MYO1H: variants seen among roughly 807,000 people sequenced by gnomAD.
MYO1H encodes myosin IH.
A neutral mutation model predicts 149.3 loss-of-function variants in MYO1H; 118 were observed. The observed-to-expected ratio is 0.79, with a 90% CI of 0.68 to 0.92. The LOEUF (loss-of-function observed/expected upper bound fraction) is 0.92. Ranked by LOEUF, MYO1H falls within the 40% of genes least tolerant of loss-of-function variation. The probability of loss-of-function intolerance (pLI) is 0.00; values close to 1 mark genes in which losing one functional copy is unlikely to be tolerated. For missense variants in MYO1H, 1,212 were observed against 1,280.7 expected, an observed-to-expected ratio of 0.95 and a Z score of 0.82; for synonymous variants, 447 against 465.2, an observed-to-expected ratio of 0.96 and a Z score of 0.50.
chr12:109,318,115 C>T, the MYO1H span, among the ~76,000 whole-genome samples: 500 of 152,120 alleles, frequency 3.3e-3, 2 homozygotes, highest in African/African-American at 0.011. Context: ...AAGGAGTGGT[C>T]AAAGCTGAAC....
the MYO1H span, among the ~76,000 whole-genome samples, chr12:109,341,510 C>T: frequency 2.0e-5 from 3 of 152,156 alleles, no homozygotes; most frequent in Non-Finnish European, 4.4e-5. Flanking sequence ...GAGTCAGCCA[C>T]CATCACATGC....
At chr12:109,367,318 TC>T (rs1293108107) in intron 1 of MYO1H, among the ~76,000 whole-genome samples, 2 of 152,108 alleles carry the variant, frequency 1.3e-5, no homozygotes, top group Non-Finnish European at 2.9e-5. Context: ...AGTAGGTGGA[TC>T]ATAGAAAAAG....
intron 1 of MYO1H, among the ~76,000 whole-genome samples, chr12:109,383,459 C>T (rs1869246065): frequency 6.6e-6 from 1 of 152,178 alleles, no homozygotes; most frequent in African/African-American, 2.4e-5. Context: ...CCCCAAAACT[C>T]AGAAGTTTCC....
chr12:109,329,410 G>A, the MYO1H span, among the ~76,000 whole-genome samples: 1 of 152,136 alleles, frequency 6.6e-6, no homozygotes, highest in African/African-American at 2.4e-5. Context: ...CTTAGGTAGG[G>A]TTGCTTTCTC....
At chr12:109,326,129 G>A in the MYO1H span, among the ~76,000 whole-genome samples, 1 of 152,258 alleles carries the variant, frequency 6.6e-6, no homozygotes, top group South Asian at 2.1e-4. Context: ...CTTACCTGAA[G>A]AGGTGAATCA....
intron 10 of MYO1H, among the ~76,000 whole-genome samples, chr12:109,409,215 CCTTCTTCTTTTT>C (rs1302655281): frequency 1.3e-4 from 17 of 127,106 alleles, no homozygotes; most frequent in South Asian, 4.9e-4. Flanking sequence ...TTCTTCTTCT[CCTTCTTCTTTTT>C]CTTCTTCTTC....
At position 109,445,629 on chromosome 12, in the gene MYO1H, G is replaced by A. The variant is rs527649591; in HGVS notation, c.3093+17G>A. 1 of 1,604,440 alleles carries A rather than the reference G, an allele frequency of 6.2e-7. No individual in the cohort carries two copies. The highest frequency in any genetic ancestry group is 1.7e-5 in the Admixed American group (1 of 58,516). ...TTAACAGTGGTGAGTGGCCGTCTCT[G>A]GGAGGGAAGTAAGCCGTTTTAGATG... is the stretch of plus-strand genomic sequence containing the variant. On this transcript the variant is annotated intron_variant, in intron 31 of 31. Coordinates refer to ENST00000310903, the Ensembl canonical transcript of MYO1H.
At chr12:109,441,768 G>C (rs1872140376) in intron 26 of MYO1H, 60 bp downstream of exon 26, 1 of 1,222,982 alleles carries the variant, frequency 8.2e-7, no homozygotes, top group East Asian at 2.4e-5. Context: ...GTTAAAGGGT[G>C]GGGTGCGGTG....
intron 7 of MYO1H, 28 bp downstream of exon 7, chr12:109,404,108 G>C (rs1344589496): frequency 1.2e-5 from 19 of 1,521,956 alleles, no homozygotes; most frequent in Non-Finnish European, 1.6e-5. Flanking sequence ...AGAACTGATA[G>C]TTCCCCCTGG....
intron 1 of MYO1H, among the ~76,000 whole-genome samples, chr12:109,382,710 A>G (rs1310101468): frequency 6.6e-6 from 1 of 151,900 alleles, no homozygotes; most frequent in Admixed American, 6.6e-5. Context: ...GAAATAATCC[A>G]GTGCTGGGGG....
At chr12:109,367,309 G>GT (rs1258185074) in intron 1 of MYO1H, among the ~76,000 whole-genome samples, 2 of 152,146 alleles carry the variant, frequency 1.3e-5, no homozygotes, top group Admixed American at 6.5e-5. Context: ...AAGGATATGA[G>GT]TAGGTGGATC....
the MYO1H span, among the ~76,000 whole-genome samples, chr12:109,326,654 C>T: frequency 1.3e-5 from 2 of 151,298 alleles, no homozygotes; most frequent in African/African-American, 4.9e-5. Flanking sequence ...CCTGAGTAGC[C>T]GGGATTACAG....
chr12:109,405,623 T>G (rs909176175), intron 7 of MYO1H, among the ~76,000 whole-genome samples: 3 of 152,226 alleles, frequency 2.0e-5, no homozygotes, highest in African/African-American at 4.8e-5. Flanking sequence ...AAATATTTTA[T>G]AAAAGTGTTT....
chr12:109,348,780 C>T (rs1414139377), intron 1 of MYO1H, among the ~76,000 whole-genome samples: 8 of 152,178 alleles, frequency 5.3e-5, no homozygotes. Context: ...AAAACATTAT[C>T]TGCTGAAGGA....
chr12:109,425,668 G>T (rs539669786), intron 17 of MYO1H, among the ~76,000 whole-genome samples: 87 of 152,238 alleles, frequency 5.7e-4, no homozygotes, highest in Non-Finnish European at 4.4e-5. Context: ...GGGCAGAACT[G>T]GTTCCTGCTG....
At chr12:109,385,463 T>A (rs1306191703) in intron 1 of MYO1H, among the ~76,000 whole-genome samples, 2 of 152,146 alleles carry the variant, frequency 1.3e-5, no homozygotes, top group Admixed American at 6.6e-5. Flanking sequence ...CAGCTAGTTT[T>A]CATATTTTTA....
intron 17 of MYO1H, 26 bp from the exon 18 acceptor site, chr12:109,425,920 C>G: frequency 1.3e-6 from 2 of 1,542,020 alleles, no homozygotes; most frequent in Non-Finnish European, 1.8e-6. Context: ...GGCTCGTTCT[C>G]TCTCTCTTTC....
intron 1 of MYO1H, among the ~76,000 whole-genome samples, chr12:109,355,513 T>C (rs908078346): frequency 6.6e-5 from 10 of 152,114 alleles, no homozygotes; most frequent in African/African-American, 2.4e-4. Flanking sequence ...GATATACCCT[T>C]ATAGAAATTA....
chr12:109,339,337 T>C, the MYO1H span, among the ~76,000 whole-genome samples: 25 of 152,250 alleles, frequency 1.6e-4, no homozygotes, highest in East Asian at 4.8e-3. Context: ...TGCACTGCAC[T>C]GCAGCCTGGG....
Sources: gnomAD v4.1 joint callset for allele counts (sites outside exome capture counted in the v4.1 genomes callset) on GRCh38, gnomAD v4.1.1 for gene constraint, MANE v1.5 for transcripts, NCBI Gene and HGNC (gene_info 2026-07-23, HGNC 2026-07-21) for gene names.